IGSF8: variants seen among roughly 807,000 people sequenced by gnomAD.
IGSF8 encodes immunoglobulin superfamily member 8.
IGSF8 carries 46 observed loss-of-function variants against 55.5 expected under a neutral mutation model. The observed-to-expected ratio is 0.83, with a 90% confidence interval of 0.65 to 1.06. The LOEUF (loss-of-function observed/expected upper bound fraction) is 1.06, where lower values mean the gene tolerates loss of function less well. Among genes scored for constraint, IGSF8 ranks in the 50% least tolerant of loss-of-function variants. The pLI, the probability that IGSF8 is intolerant of heterozygous loss-of-function variation, is 0.00. For missense variants in IGSF8, 731 were observed against 832.3 expected (o/e 0.88, Z 1.50); for synonymous variants, 314 against 356.1 (o/e 0.88, Z 1.33).
At position 160,093,186 on chromosome 1, in the gene IGSF8, C is replaced by T. The variant is rs371772963; in HGVS notation, c.1050G>A (p.Ala350=). 1.3e-5 allele frequency: 21 copies of T among 1,613,624 alleles called. No individual in the cohort carries two copies. Among genetic ancestry groups the T allele is most frequent in the East Asian group, 8.9e-5 (4 of 44,850 alleles). ...CCAGGCGGCCGGGCCCAGGTGCCCCCGCAGGTGCCATCTCCCAACCTACAG... is the reference window on the plus strand; with the variant it reads ...CCAGGCGGCCGGGCCCAGGTGCCCCTGCAGGTGCCATCTCCCAACCTACAG... ...AYSVGWEMAP[A]GAPGPGRLVA... Residue 350 remains alanine, a synonymous_variant, in exon 4 of 7, where the codon GCG becomes GCA. Transcript: ENST00000314485.
In IGSF8 at chr1:160,098,519, TG is replaced by T. The variant is rs549971036; in HGVS notation, c.-48del. On this transcript the variant is annotated 5_prime_UTR_variant, in exon 1 of 7. Transcript: ENST00000314485. ...AGGCTCCGGGGGATGGCGCGGGTTC[TG>T]GGGGGCCGGAAGGGTGGGGGGCGCA... 9.8e-4 allele frequency: 1,019 copies of T among 1,042,168 alleles called. 16 individuals carry two copies. The Admixed American group carries it at 0.033, about 34-fold the overall frequency. The allele number at this position is 1,042,168 out of a possible 1,614,324, so 64.6% of individuals were successfully genotyped here. A position where few individuals can be genotyped will look rare whatever the true frequency, so the allele number is the denominator to read the frequency against.
Position 160,093,143 on chromosome 1 carries a change from CTG to C in IGSF8, c.1091_1092del (p.Thr364ArgfsTer11). On this transcript the variant is annotated frameshift_variant, in exon 4 of 7. Coordinates refer to ENST00000314485, the MANE Select transcript of IGSF8 (RefSeq NM_052868.6). LOFTEE classifies it high-confidence loss of function. ...GPGRLVAQLDTEGVGSLGPGY... is the reference protein window; with the variant it reads ...GPGRLVAQLDXEGVGSLGPGY... ...CCAGGGCCCAGGCTGCCCACACCCT[CTG>C]TGTCCAGCTGGGCTACCAGGCGGCC... 6.2e-7 allele frequency: 1 copy of C among 1,613,760 alleles called. No homozygotes were observed. The highest frequency in any genetic ancestry group is 8.5e-7 in the Non-Finnish European group (1 of 1,179,824).
At chr1:160,097,687 A>G (rs1650526542) in intron 1 of IGSF8, 1 of 985,332 alleles carries the variant, frequency 1.0e-6, no homozygotes, top group Admixed American at 6.1e-5. Context: ...AGATTGGCCC[A>G]GAACACCCCA....
Position 160,093,156 on chromosome 1 carries a change from G to A in IGSF8, c.1080C>T (p.Ala360=), listed in dbSNP as rs1409920892. The A allele has an allele frequency of 6.2e-7, 1 of 1,613,718 alleles. No individual in the cohort carries two copies. Among genetic ancestry groups the A allele is most frequent in the South Asian group, 1.1e-5 (1 of 91,018 alleles). Residue 360 remains alanine, a synonymous_variant, in exon 4 of 7, where the codon GCC becomes GCT. Coordinates refer to ENST00000314485, the MANE Select transcript of IGSF8 (RefSeq NM_052868.6). The stretch of plus-strand genomic sequence containing the variant: ...TGCCCACACCCTCTGTGTCCAGCTG[G>A]GCTACCAGGCGGCCGGGCCCAGGTG... ...AGAPGPGRLV[A]QLDTEGVGSL... is the part of the protein sequence containing the mutation.
chr1:160,091,873 C>G lies in IGSF8; in HGVS notation c.1792G>C (p.Val598Leu), dbSNP rs1301529577. The change falls in exon 6 of 7, where the codon GTC becomes CTC. Residue 598 changes from valine (V) to leucine (L), a missense_variant. Transcript: ENST00000314485. ...AAGCAGCAAGTGATGGTACCAAGGA[C>G]AGTGGCACCAGTGACTAGGGCCACC... ...TGVALVTGAT[V>L]LGTITCCFMK... is the part of the protein sequence containing the mutation. 4.3e-6 allele frequency: 7 copies of G among 1,614,042 alleles called. No individual in the cohort carries two copies. The highest frequency in any genetic ancestry group is 1.7e-5 in the Admixed American group (1 of 60,016).
At position 160,092,310 on chromosome 1, in the gene IGSF8, C is replaced by T. The variant is rs1557984544; in HGVS notation, c.1698G>A (p.Gly566=). The stretch of plus-strand genomic sequence containing the variant: ...GCATGTAGGGGTAGACTGTAACAGG[C>T]CCTGAGCGGGCACTGCCCGCCTGGT... The part of the protein sequence containing the change: ...SWYQAGSARS[G]PVTVYPYMHA... Residue 566 remains glycine (G), a synonymous_variant, in exon 5 of 7, where the codon GGG becomes GGA. Coordinates refer to ENST00000314485, the MANE Select transcript of IGSF8 (RefSeq NM_052868.6). 7 of 1,614,120 alleles carry T rather than the reference C, an allele frequency of 4.3e-6. No homozygotes were observed. Among genetic ancestry groups the T allele is most frequent in the Middle Eastern group, 1.7e-4 (1 of 6,060 alleles).
intron 3 of IGSF8, 130 bp downstream of exon 3, chr1:160,093,580 G>A (rs1235197424): frequency 7.2e-6 from 6 of 838,474 alleles, no homozygotes; most frequent in East Asian, 2.7e-5. Context: ...TGCTAGCAAG[G>A]CTGCTCACTC....
chr1:160,093,393 T>TCCC, intron 3 of IGSF8, 62 bp from the exon 4 acceptor site: 1 of 1,473,494 alleles, frequency 6.8e-7, no homozygotes, highest in Non-Finnish European at 9.2e-7. Flanking sequence ...GGCACCCGAT[T>TCCC]CCCCAACTTC....
chr1:160,098,794 C>T (rs1309907810), upstream of IGSF8: 3 of 271,068 alleles, frequency 1.1e-5, no homozygotes, highest in Admixed American at 6.0e-5. Flanking sequence ...GCCTTTGCTC[C>T]GCACCTGGCC....
rs1210649436 is a variant in IGSF8, at chr1:160,093,706, T to A, written c.904+4A>T. 1.9e-6 allele frequency: 3 copies of A among 1,592,326 alleles called. No individual in the cohort carries two copies. The East Asian group carries it at 6.7e-5, about 36-fold the overall frequency. On this transcript the variant is annotated splice_donor_region_variant and intron_variant, in intron 3 of 6. Transcript: ENST00000314485. ...CCACAGTGGGATGTATAAGTGGCAC[T>A]TACACAGCGTCTGCACATCCACGTG...
At chr1:160,093,641 G>T in intron 3 of IGSF8, 69 bp downstream of exon 3, 1 of 1,289,168 alleles carries the variant, frequency 7.8e-7, no homozygotes, top group Non-Finnish European at 1.1e-6. Flanking sequence ...GGTACCCCCT[G>T]TGGCCACAGT....
At chr1:160,092,767 C>T (rs902704135) in intron 4 of IGSF8, 72 bp from the exon 5 acceptor site, 3 of 1,543,216 alleles carry the variant, frequency 1.9e-6, no homozygotes, top group Non-Finnish European at 2.6e-6. Flanking sequence ...CCGCCAAGCA[C>T]CGCCCCAGGA....
intron 5 of IGSF8, 139 bp downstream of exon 5, chr1:160,092,143 G>A (rs1205484339): frequency 1.2e-5 from 13 of 1,047,260 alleles, no homozygotes; most frequent in Admixed American, 5.7e-5. Context: ...AGGGCTGGAA[G>A]TTGGATTTTT....
At chr1:160,093,448 C>G in intron 3 of IGSF8, 117 bp from the exon 4 acceptor site, 1 of 1,007,386 alleles carries the variant, frequency 9.9e-7, no homozygotes. Flanking sequence ...TCCTGTCTCC[C>G]CCTCACTAGG....
chr1:160,094,783 T>G lies in IGSF8; in HGVS notation c.442+86A>C. On this transcript the variant is annotated intron_variant, in intron 2 of 6. Transcript: ENST00000314485. This position sits in a 1 kb window ranked among gnomAD's most constrained non-coding sequence, Gnocchi z 4.0. ...CCTCAAGTTCCTTGGCTACAAAACC[T>G]AAGGGGCAACTAGATAGGTCACTTG... The G allele has an allele frequency of 6.9e-7, 1 of 1,439,080 alleles. No homozygotes were observed. Among genetic ancestry groups the G allele is most frequent in the African/African-American group, 1.4e-5 (1 of 70,000 alleles). The allele number at this position is 1,439,080 out of a possible 1,614,324, so 89.1% of individuals were successfully genotyped here.
At position 160,095,114 on chromosome 1, in the gene IGSF8, A is replaced by G; in HGVS notation, c.197T>C (p.Leu66Pro). The part of the protein sequence containing the change: ...GPAQQNFEWF[L>P]YRPEAPDTAL... Reference sequence around the variant, plus strand: ...AGTATCTGGGGCCTCGGGCCTATACAGGAACCACTCGAAGTTCTGCTGGGC... The same window carrying G: ...AGTATCTGGGGCCTCGGGCCTATACGGGAACCACTCGAAGTTCTGCTGGGC... Residue 66 changes from leucine (L) to proline (P), a missense_variant, in exon 2 of 7, where the codon CTG (leucine) becomes CCG (proline). Physicochemically the swap from Leu to Pro is moderately conservative, Grantham distance 98 (BLOSUM62 -3). Transcript: ENST00000314485. 2 of 1,614,088 alleles carry G rather than the reference A, an allele frequency of 1.2e-6. No individual in the cohort carries two copies. Among genetic ancestry groups the G allele is most frequent in the Non-Finnish European group, 1.7e-6 (2 of 1,180,030 alleles).
chr1:160,093,618 A>G, intron 3 of IGSF8, 92 bp downstream of exon 3: 2 of 1,046,452 alleles, frequency 1.9e-6, no homozygotes, highest in South Asian at 3.3e-5. Context: ...TTGGAGTCAG[A>G]TGATGGCTAT....
Position 160,095,001 on chromosome 1 carries a change from GCTGCAC to G in IGSF8, c.304_309del (p.Val102_Gln103del). ...AGCACCACGGCATCACCTTGTAGGC[GCTGCAC>G]CTGCACCTCACCCGCCACCACTCGG... On this transcript the variant is annotated inframe_deletion, in exon 2 of 7. Coordinates refer to ENST00000314485, the MANE Select transcript of IGSF8 (RefSeq NM_052868.6). 6.2e-7 allele frequency: 1 copy of G among 1,614,078 alleles called. No individual in the cohort carries two copies. Among genetic ancestry groups the G allele is most frequent in the South Asian group, 1.1e-5 (1 of 91,078 alleles).
At chr1:160,095,321 C>G in intron 1 of IGSF8, 75 bp from the exon 2 acceptor site, 1 of 1,420,426 alleles carries the variant, frequency 7.0e-7, no homozygotes, top group South Asian at 1.4e-5. Context: ...AAGCACCATT[C>G]TTGATCTCTG....
Sources: allele counts gnomAD v4.1 joint callset, GRCh38; gene constraint gnomAD v4.1.1; non-coding constraint Gnocchi (gnomAD v3.1); transcripts MANE v1.5; gene names NCBI Gene and HGNC (gene_info 2026-07-23, HGNC 2026-07-21).